Variants in LRP1B observed in about 807,000 individuals in gnomAD.
The protein encoded by LRP1B is LDL receptor related protein 1B, also known as low-density lipoprotein receptor-related protein 1B.
In LRP1B, 217 loss-of-function variants were observed where a neutral mutation model predicts 556.6. The observed-to-expected ratio is 0.39, with a 90% confidence interval of 0.35 to 0.44. The LOEUF is 0.44. Ranked by LOEUF, LRP1B falls within the 20% of genes least tolerant of loss-of-function variation. The pLI is 1.00. For synonymous variants in LRP1B, 2,047 were observed against 1,865.8 expected (o/e 1.10, Z -2.50); for missense variants, 5,053 against 5,620.8 (o/e 0.90, Z 3.23).
At chr2:141,775,974 C>G (rs1695057092) in intron 2 of LRP1B, among the ~76,000 whole-genome samples, 1 of 151,804 alleles carries the variant, frequency 6.6e-6, no homozygotes, top group Non-Finnish European at 1.5e-5. Context: ...TCCCAAGTAG[C>G]TGGGACTACA....
At chr2:141,454,702 A>G (rs913143885) in intron 3 of LRP1B, among the ~76,000 whole-genome samples, 3 of 97,742 alleles carry the variant, frequency 3.1e-5, no homozygotes, top group East Asian at 2.7e-4. Flanking sequence ...TACAGCCTTT[A>G]TACTTTTTCT....
intron 3 of LRP1B, among the ~76,000 whole-genome samples, chr2:141,441,789 C>T (rs1680985390): frequency 1.3e-5 from 2 of 152,134 alleles, no homozygotes; most frequent in African/African-American, 4.8e-5. Flanking sequence ...ACGCTACAGT[C>T]TTGAAAGATT....
At chr2:141,651,629 C>T (rs1417398491) in intron 2 of LRP1B, among the ~76,000 whole-genome samples, 2 of 152,148 alleles carry the variant, frequency 1.3e-5, no homozygotes, top group Non-Finnish European at 2.9e-5. Context: ...CGTGCCATTG[C>T]ACTCCAGCCT....
chr2:141,029,561 A>T (rs1195706752), intron 11 of LRP1B, among the ~76,000 whole-genome samples: 2 of 152,114 alleles, frequency 1.3e-5, no homozygotes, highest in African/African-American at 2.4e-5. Flanking sequence ...TGTTTGCATA[A>T]TGCCGGCTGC....
chr2:141,714,365 C>T (rs181119452), intron 2 of LRP1B, among the ~76,000 whole-genome samples: 1 of 151,444 alleles, frequency 6.6e-6, no homozygotes, highest in African/African-American at 2.4e-5. Flanking sequence ...ATGTGTGATG[C>T]TGTTTAATTT....
Position 140,335,855 on chromosome 2 carries a change from C to A in LRP1B, c.11893-17G>T, listed in dbSNP as rs553227159. The A allele has an allele frequency of 2.7e-6, 4 of 1,458,830 alleles. No homozygotes were observed. Among genetic ancestry groups the A allele is most frequent in the Non-Finnish European group, 2.9e-6 (3 of 1,040,926 alleles). 90.4% of individuals were successfully genotyped at this position (1,458,830 alleles called of 1,614,324 possible). A position where few individuals can be genotyped will look rare whatever the true frequency, so the allele number is the denominator to read the frequency against. On this transcript the variant is annotated splice_polypyrimidine_tract_variant and intron_variant, in intron 77 of 90. Transcript: ENST00000389484. ...TTCAGGACACTACAAGGAAACAAAACAACACACCACGGTATTTTCAACAGG... is the reference window on the plus strand; with the variant it reads ...TTCAGGACACTACAAGGAAACAAAAAAACACACCACGGTATTTTCAACAGG...
intron 2 of LRP1B, among the ~76,000 whole-genome samples, chr2:141,727,890 A>G (rs1005949871): frequency 2.0e-5 from 3 of 152,106 alleles, no homozygotes; most frequent in Non-Finnish European, 4.4e-5. Flanking sequence ...AAGTTACCAT[A>G]GTAAGAGAGG....
At chr2:141,719,271 G>A (rs1692732244) in intron 2 of LRP1B, among the ~76,000 whole-genome samples, 1 of 152,088 alleles carries the variant, frequency 6.6e-6, no homozygotes, top group African/African-American at 2.4e-5. Context: ...ATTTATTGCT[G>A]TTTCTTGGCA....
intron 43 of LRP1B, among the ~76,000 whole-genome samples, chr2:140,553,629 T>C (rs1167705384): frequency 1.3e-5 from 2 of 152,042 alleles, no homozygotes; most frequent in Non-Finnish European, 2.9e-5. Context: ...TTGTATCAGT[T>C]AAGCCTGAAG....
chr2:140,668,309 CAAAAAAAAAAAAAAAAAAA>C (rs560180473), intron 41 of LRP1B, among the ~76,000 whole-genome samples: 43 of 59,670 alleles, frequency 7.2e-4, no homozygotes, highest in African/African-American at 2.5e-3. Flanking sequence ...GACTCCGTCT[CAAAAAAAAAAAAAAAAAAA>C]AAAAAAAAAA....
chr2:140,563,658 A>C (rs896916664), intron 43 of LRP1B, among the ~76,000 whole-genome samples: 2 of 151,594 alleles, frequency 1.3e-5, no homozygotes, highest in Admixed American at 6.6e-5. Context: ...CATCATGCCA[A>C]CATTTTATAG....
intron 77 of LRP1B, among the ~76,000 whole-genome samples, chr2:140,346,817 A>C (rs1050761007): frequency 1.3e-5 from 2 of 151,988 alleles, no homozygotes; most frequent in African/African-American, 2.4e-5. Context: ...TAACTTAAAT[A>C]GATATTTTGC....
At chr2:141,860,677 GAAATAT>G (rs1243371787) in intron 1 of LRP1B, among the ~76,000 whole-genome samples, 1 of 152,086 alleles carries the variant, frequency 6.6e-6, no homozygotes, top group South Asian at 2.1e-4. Flanking sequence ...GGTAAAAATA[GAAATAT>G]AAATAAAAAT....
chr2:140,239,201 T>C (rs1164192499), intron 88 of LRP1B, among the ~76,000 whole-genome samples: 1 of 150,828 alleles, frequency 6.6e-6, no homozygotes, highest in Non-Finnish European at 1.5e-5. Context: ...TTTTGAATAA[T>C]ATGATCTCTT....
intron 2 of LRP1B, among the ~76,000 whole-genome samples, chr2:141,569,436 A>T (rs1489471656): frequency 6.6e-6 from 1 of 151,168 alleles, no homozygotes; most frequent in Non-Finnish European, 1.5e-5. Context: ...TATTTCATGA[A>T]AACTCAAAAC....
chr2:140,408,598 G>A, intron 66 of LRP1B, among the ~76,000 whole-genome samples: 1 of 151,936 alleles, frequency 6.6e-6, no homozygotes, highest in African/African-American at 2.4e-5. Context: ...TAAGGATTAA[G>A]ATACTCAGAA....
chr2:140,857,844 T>TA (rs1692664736), intron 27 of LRP1B, among the ~76,000 whole-genome samples: 1 of 152,146 alleles, frequency 6.6e-6, no homozygotes, highest in South Asian at 2.1e-4. Flanking sequence ...AAATGTGTCT[T>TA]AAAATACCAA....
chr2:140,961,642 T>G (rs1206020088), intron 18 of LRP1B, among the ~76,000 whole-genome samples: 1 of 152,114 alleles, frequency 6.6e-6, no homozygotes, highest in Non-Finnish European at 1.5e-5. Context: ...TTTTCCATTT[T>G]CTCAATATAG....
intron 6 of LRP1B, among the ~76,000 whole-genome samples, chr2:141,203,127 TCAACTAAGGAGGAAAA>T (rs1682114812): frequency 6.6e-6 from 1 of 151,990 alleles, no homozygotes; most frequent in African/African-American, 2.4e-5. Context: ...AGAAACTACA[TCAACTAAGGAGGAAAA>T]CAACTAGATA....
Sources: gnomAD v4.1 joint callset for allele counts (sites outside exome capture counted in the v4.1 genomes callset) on GRCh38, gnomAD v4.1.1 for gene constraint, MANE v1.5 for transcripts, NCBI Gene and HGNC (gene_info 2026-07-23, HGNC 2026-07-21) for gene names.